SLC25A26: variants seen among roughly 807,000 people sequenced by gnomAD.
SLC25A26 encodes the protein solute carrier family 25 member 26.
A neutral mutation model predicts 37.8 loss-of-function variants in SLC25A26; 36 were observed. The ratio of observed to expected loss-of-function variants is 0.95; its 90% CI spans 0.73 to 1.26. SLC25A26 has a LOEUF of 1.26. Ranked by LOEUF, SLC25A26 falls within the 50% of genes most tolerant of loss-of-function variation. SLC25A26 has a pLI of 0.00. For synonymous variants in SLC25A26, 129 were observed against 122.5 expected, an observed-to-expected ratio of 1.05 and a Z score of -0.35; for missense variants, 390 against 331.1, an observed-to-expected ratio of 1.18 and a Z score of -1.38.
intron 1 of SLC25A26, among the ~76,000 whole-genome samples, chr3:66,194,782 G>C (rs1003162610): frequency 1.3e-5 from 2 of 152,200 alleles, no homozygotes; most frequent in Non-Finnish European, 2.9e-5. Context: ...TGTATTTTTA[G>C]TAGAGACGGG....
At chr3:66,170,377 G>C (rs1019242764) in intron 1 of SLC25A26, among the ~76,000 whole-genome samples, 8 of 152,144 alleles carry the variant, frequency 5.3e-5, no homozygotes, top group African/African-American at 1.7e-4. Flanking sequence ...ATTTCTATTT[G>C]AATCTAGGAC....
intron 3 of SLC25A26, among the ~76,000 whole-genome samples, chr3:66,249,902 T>G (rs143636572): frequency 1.2e-3 from 177 of 152,334 alleles, no homozygotes; most frequent in African/African-American, 4.1e-3. Context: ...GATACCTGAG[T>G]GCACTCAAAC....
intron 3 of SLC25A26, among the ~76,000 whole-genome samples, chr3:66,247,133 G>T (rs995311067): frequency 3.3e-5 from 5 of 152,062 alleles, no homozygotes; most frequent in Non-Finnish European, 5.9e-5. Context: ...TAAAGTGCTG[G>T]GATTACAGGT....
intron 5 of SLC25A26, among the ~76,000 whole-genome samples, chr3:66,309,508 A>C (rs569927527): frequency 3.3e-5 from 5 of 151,748 alleles, no homozygotes; most frequent in East Asian, 1.9e-4. Context: ...ATATCCTTCA[A>C]TTCTGCTCTG....
intron 2 of SLC25A26, among the ~76,000 whole-genome samples, chr3:66,239,471 A>G (rs1420638802): frequency 1.3e-5 from 2 of 152,198 alleles, no homozygotes; most frequent in African/African-American, 2.4e-5. Flanking sequence ...ACTTAATGGC[A>G]GCTGGGAACT....
chr3:66,377,454 CT>C, intron 9 of SLC25A26, among the ~76,000 whole-genome samples: 1 of 151,978 alleles, frequency 6.6e-6, no homozygotes, highest in South Asian at 2.1e-4. Context: ...GGATTCAGCT[CT>C]TTAACACCTT....
At chr3:66,302,635 A>G (rs2075109204) in intron 5 of SLC25A26, among the ~76,000 whole-genome samples, 1 of 152,204 alleles carries the variant, frequency 6.6e-6, no homozygotes, top group Admixed American at 6.5e-5. Context: ...ATTTTGATTC[A>G]TGTGTAAAAC....
At chr3:66,199,395 T>G (rs2071083065) in intron 1 of SLC25A26, among the ~76,000 whole-genome samples, 1 of 151,884 alleles carries the variant, frequency 6.6e-6, no homozygotes, top group Non-Finnish European at 1.5e-5. Flanking sequence ...AACCTCACTG[T>G]CACTCTCATG....
rs147082885 is a variant in SLC25A26, at chr3:66,271,258, A to G, written c.453+7879A>G. 1.9e-3 allele frequency among the ~76,000 whole-genome samples: 294 copies of G among 152,290 alleles called. 1 individual carries two copies. In the East Asian group the frequency reaches 0.022, roughly 11 times the overall value. ...TCAAATAACAGAAAATTTGACTACAATGGTTTCACCAAAAAAGTTTTCTGT... is the reference window on the plus strand; with the variant it reads ...TCAAATAACAGAAAATTTGACTACAGTGGTTTCACCAAAAAAGTTTTCTGT... On this transcript the variant is annotated intron_variant, in intron 5 of 9. Transcript: ENST00000354883.
intron 5 of SLC25A26, among the ~76,000 whole-genome samples, chr3:66,310,147 G>A (rs2075336700): frequency 6.6e-6 from 1 of 152,132 alleles, no homozygotes; most frequent in Admixed American, 6.5e-5. Flanking sequence ...TTTCTTTGTA[G>A]GTCTCTAAGA....
In SLC25A26 at chr3:66,262,175, CT is replaced by C; in HGVS notation, c.405+21del. The C allele has an allele frequency of 8.0e-7, 1 of 1,253,636 alleles. No individual in the cohort carries two copies. The highest frequency in any genetic ancestry group is 1.1e-6 in the Non-Finnish European group (1 of 895,624). The allele number at this position is 1,253,636 out of a possible 1,614,324, so 77.7% of individuals were successfully genotyped here. A position where few individuals can be genotyped will look rare whatever the true frequency, so the allele number is the denominator to read the frequency against. On this transcript the variant is annotated intron_variant, in intron 4 of 9. Transcript: ENST00000354883. ...GAAGAGGTGAGATGGGTTTTTTAAGCTCTTCTTTTCTTTATTAAGATTTTAT... is the reference window on the plus strand; with the variant it reads ...GAAGAGGTGAGATGGGTTTTTTAAGCCTTCTTTTCTTTATTAAGATTTTAT...
At chr3:66,211,810 A>G (rs2071287319) in intron 1 of SLC25A26, among the ~76,000 whole-genome samples, 1 of 152,194 alleles carries the variant, frequency 6.6e-6, no homozygotes. Flanking sequence ...TTATTGTTGT[A>G]AAATATAACA....
At chr3:66,174,404 G>C (rs531978508) in intron 1 of SLC25A26, among the ~76,000 whole-genome samples, 1 of 152,198 alleles carries the variant, frequency 6.6e-6, no homozygotes, top group Non-Finnish European at 1.5e-5. Context: ...CATGAGAAAA[G>C]AGACATTGTG....
chr3:66,287,199 G>C (rs1057311006), intron 5 of SLC25A26, among the ~76,000 whole-genome samples: 1 of 151,982 alleles, frequency 6.6e-6, no homozygotes, highest in Non-Finnish European at 1.5e-5. Flanking sequence ...AGGAGGCTGA[G>C]GCAGGAGAAT....
chr3:66,274,524 A>T (rs1182668961), intron 5 of SLC25A26, among the ~76,000 whole-genome samples: 1 of 152,238 alleles, frequency 6.6e-6, no homozygotes, highest in Non-Finnish European at 1.5e-5. Flanking sequence ...TAATATCCGG[A>T]ATCTACAATG....
chr3:66,154,015 C>T (rs534455774), intron 1 of SLC25A26, among the ~76,000 whole-genome samples: 1 of 152,286 alleles, frequency 6.6e-6, no homozygotes, highest in South Asian at 2.1e-4. Flanking sequence ...AGTCCTTTCA[C>T]GTAATCGTGA....
intron 5 of SLC25A26, among the ~76,000 whole-genome samples, chr3:66,300,108 A>G (rs1320784526): frequency 6.6e-6 from 1 of 152,146 alleles, no homozygotes; most frequent in Non-Finnish European, 1.5e-5. Flanking sequence ...CATATTTTCA[A>G]AATGCCCGTG....
chr3:66,209,083 T>TA, intron 1 of SLC25A26, among the ~76,000 whole-genome samples: 1 of 24,744 alleles, frequency 4.0e-5, no homozygotes, highest in Non-Finnish European at 7.0e-5. Context: ...CACACCCATA[T>TA]AAAGATGTAT....
chr3:66,138,186 C>G (rs905874128), intron 1 of SLC25A26, among the ~76,000 whole-genome samples: 1 of 151,982 alleles, frequency 6.6e-6, no homozygotes, highest in East Asian at 1.9e-4. Flanking sequence ...CATGTGAACA[C>G]GTAAAATAAA....
Sources: allele counts gnomAD v4.1 joint callset (sites outside exome capture counted in the v4.1 genomes callset), GRCh38; gene constraint gnomAD v4.1.1; transcripts MANE v1.5; gene names NCBI Gene and HGNC (gene_info 2026-07-23, HGNC 2026-07-21).